Variants in LDAF1 observed in about 807,000 individuals in gnomAD.
LDAF1 encodes the protein lipid droplet assembly factor 1, also known as PROMETHIN.
LDAF1 carries 7 observed loss-of-function variants against 13.5 expected under a neutral mutation model. That is an observed-to-expected ratio of 0.52 (90% CI 0.29 to 0.97). The LOEUF (loss-of-function observed/expected upper bound fraction) is 0.97, where lower values mean the gene tolerates loss of function less well. Ranked by LOEUF, LDAF1 falls within the 50% of genes least tolerant of loss-of-function variation. The pLI, the probability that LDAF1 is intolerant of heterozygous loss-of-function variation, is 0.07. For missense variants in LDAF1, 148 were observed against 193.2 expected, an observed-to-expected ratio of 0.77 and a Z score of 1.39; for synonymous variants, 69 against 77.1, an observed-to-expected ratio of 0.89 and a Z score of 0.55.
At chr16:21,164,705 G>A (rs2152843254) in intron 2 of LDAF1, among the ~76,000 whole-genome samples, 1 of 152,344 alleles carries the variant, frequency 6.6e-6, no homozygotes, top group South Asian at 2.1e-4. Context: ...GTGCTGCACT[G>A]TGCTTACAGA....
Position 21,173,997 on chromosome 16 carries a change from G to A in LDAF1, c.266-13G>A, listed in dbSNP as rs759301982. On this transcript the variant is annotated splice_polypyrimidine_tract_variant and intron_variant, in intron 3 of 4. Transcript: ENST00000233047. The stretch of plus-strand genomic sequence containing the variant: ...TGAGATGAACCCTTCTCCTAACCAC[G>A]TTCTCCTCCTAGGATTGGTCATCTC... 27 of 1,607,322 alleles carry A rather than the reference G, an allele frequency of 1.7e-5. No homozygotes were observed. Among genetic ancestry groups the A allele is most frequent in the Admixed American group, 3.4e-5 (2 of 58,694 alleles).
intron 2 of LDAF1, among the ~76,000 whole-genome samples, chr16:21,167,803 T>C (rs1267557476): frequency 2.7e-5 from 4 of 147,460 alleles, no homozygotes; most frequent in Non-Finnish European, 4.5e-5. Flanking sequence ...GGTCAGGAAT[T>C]CGAGACCAGC....
At chr16:21,171,260 C>T (rs1313778570) in intron 3 of LDAF1, among the ~76,000 whole-genome samples, 1 of 152,206 alleles carries the variant, frequency 6.6e-6, no homozygotes, top group Non-Finnish European at 1.5e-5. Context: ...ATCTGATTTG[C>T]TCACTTTGAC....
At position 21,179,616 on chromosome 16, in the gene LDAF1, G is replaced by GA; in HGVS notation, c.*61dup. ...CTGCTGGATCATACTCACCCCTTGG[G>GA]ATTATGGCTTAGAAGAAGGGGGCTG... On this transcript the variant is annotated 3_prime_UTR_variant, in exon 5 of 5. Coordinates refer to ENST00000233047, the MANE Select transcript of LDAF1 (RefSeq NM_001301771.2). 6.7e-7 allele frequency: 1 copy of GA among 1,486,816 alleles called. No homozygotes were observed. The allele number at this position is 1,486,816 out of a possible 1,614,324, so 92.1% of individuals were successfully genotyped here. A position where few individuals can be genotyped will look rare whatever the true frequency, so the allele number is the denominator to read the frequency against.
Position 21,175,402 on chromosome 16 carries a change from TAATC to T in LDAF1, c.404+1257_404+1260del, listed in dbSNP as rs2093130120. On this transcript the variant is annotated intron_variant, in intron 4 of 4. Transcript: ENST00000233047. ...AGGTGAGTTAATTCCAAAGCCCTCT[TAATC>T]AAGATACAAAGTGACTCTCTAAAAC... Among the ~76,000 whole-genome samples the T allele has an allele frequency of 2.0e-5, 3 of 151,384 alleles. No individual in the cohort carries two copies. The South Asian group carries it at 6.2e-4, about 31-fold the overall frequency.
At chr16:21,175,684 C>T (rs1049917666) in intron 4 of LDAF1, among the ~76,000 whole-genome samples, 1 of 152,162 alleles carries the variant, frequency 6.6e-6, no homozygotes, top group Admixed American at 6.5e-5. Context: ...AACCATTGCT[C>T]TATAAGAACT....
Position 21,161,068 on chromosome 16 carries a change from G to T in LDAF1, c.-98-17G>T, listed in dbSNP as rs914585667. 24 of 1,491,306 alleles carry T rather than the reference G, an allele frequency of 1.6e-5. No homozygotes were observed. Among genetic ancestry groups the T allele is most frequent in the Non-Finnish European group, 1.6e-5 (18 of 1,126,568 alleles). The allele number at this position is 1,491,306 out of a possible 1,614,324, so 92.4% of individuals were successfully genotyped here. ...TGGATGAAGACCACTAACGGCTTTT[G>T]TTTCCTCTGGTAACAGCAAGAGACA... On this transcript the variant is annotated splice_polypyrimidine_tract_variant and intron_variant, in intron 1 of 4. Coordinates refer to ENST00000233047, the MANE Select transcript of LDAF1 (RefSeq NM_001301771.2).
intron 2 of LDAF1, among the ~76,000 whole-genome samples, chr16:21,163,375 G>A (rs118046877): frequency 3.0e-4 from 46 of 152,314 alleles, no homozygotes; most frequent in Non-Finnish European, 6.5e-4. Flanking sequence ...GCCAGGCGTG[G>A]TAGCTCACAC....
intron 3 of LDAF1, among the ~76,000 whole-genome samples, chr16:21,173,620 C>T (rs916394275): frequency 6.6e-6 from 1 of 151,776 alleles, no homozygotes; most frequent in South Asian, 2.1e-4. Flanking sequence ...AGGCTGAAGC[C>T]GGGAATCACT....
chr16:21,176,473 T>C (rs2093139263), intron 4 of LDAF1, among the ~76,000 whole-genome samples: 1 of 152,060 alleles, frequency 6.6e-6, no homozygotes, highest in Non-Finnish European at 1.5e-5. Context: ...CAAGACCACA[T>C]CTCTACAAAA....
In LDAF1 at chr16:21,179,535, C is replaced by T. The variant is rs939874083; in HGVS notation, c.465C>T (p.Phe155=). 1.5e-5 allele frequency: 24 copies of T among 1,614,100 alleles called. No homozygotes were observed. Among genetic ancestry groups the T allele is most frequent in the Non-Finnish European group, 2.0e-5 (24 of 1,179,996 alleles). The change falls in exon 5 of 5, where the codon TTC becomes TTT. Residue 155 remains phenylalanine (F), a synonymous_variant. Transcript: ENST00000233047. The part of the protein sequence containing the change: ...DFLPAMKSAE[F]EGLYQE ...TGCCAGCCATGAAGTCTGCAGAATT[C>T]GAGGGGCTTTACCAGGAATGAGTGA...
At chr16:21,160,822 A>G (rs1416861218) in intron 1 of LDAF1, among the ~76,000 whole-genome samples, 4 of 152,182 alleles carry the variant, frequency 2.6e-5, no homozygotes, top group Non-Finnish European at 4.4e-5. Context: ...CTACTTTCCA[A>G]TGTTTTGCTA....
chr16:21,165,218 C>T lies in LDAF1; in HGVS notation c.96+3940C>T, dbSNP rs544046778. On this transcript the variant is annotated intron_variant, in intron 2 of 4. Transcript: ENST00000233047. ...GCTGATGCTTATAATCCTAGCACTTCGGGAGGCCGAGGCGGGCAGATCACT... is the reference window on the plus strand; with the variant it reads ...GCTGATGCTTATAATCCTAGCACTTTGGGAGGCCGAGGCGGGCAGATCACT... Among the ~76,000 whole-genome samples, 46 of 152,262 alleles carry T rather than the reference C, an allele frequency of 3.0e-4. No homozygotes were observed. In the Middle Eastern group the frequency reaches 0.01, roughly 34 times the overall value.
intron 2 of LDAF1, among the ~76,000 whole-genome samples, chr16:21,167,692 G>GGTTGTTTT (rs1597543109): frequency 1.1e-4 from 1 of 8,988 alleles, no homozygotes; most frequent in East Asian, 2.6e-3. Flanking sequence ...AAGACCTTAG[G>GGTTGTTTT]TTTGTTTTTT....
At chr16:21,175,732 G>A (rs1439999990) in intron 4 of LDAF1, among the ~76,000 whole-genome samples, 3 of 152,142 alleles carry the variant, frequency 2.0e-5, no homozygotes, top group African/African-American at 7.2e-5. Flanking sequence ...AACAGCCCTT[G>A]AACTCCTTAC....
rs2093056437 is a variant in LDAF1 at position 21,168,898 on chromosome 16, TTATATATTTA to T, written c.97-1535_97-1526del. On this transcript the variant is annotated intron_variant, in intron 2 of 4. Coordinates refer to ENST00000233047, the MANE Select transcript of LDAF1 (RefSeq NM_001301771.2). ...TATAATTTATATTATATATTTATATTTATATATTTATATTTATTTATATTTATATATTTAA... is the reference window on the plus strand; with the variant it reads ...TATAATTTATATTATATATTTATATTTATTTATTTATATTTATATATTTAA... Among the ~76,000 whole-genome samples, 4 of 135,660 alleles carry T rather than the reference TTATATATTTA, an allele frequency of 2.9e-5. No homozygotes were observed. The East Asian group carries it at 6.1e-4, about 21-fold the overall frequency. The allele number at this position is 135,660 out of a possible 152,430, so 89.0% of individuals were successfully genotyped here.
chr16:21,161,376 A>T (rs1033521670), intron 2 of LDAF1, 98 bp downstream of exon 2: 1 of 1,419,010 alleles, frequency 7.0e-7, no homozygotes, highest in South Asian at 1.4e-5. Context: ...AGGAATTTGG[A>T]GGTAAGTCAA....
rs1460632471 is a variant in LDAF1, at chr16:21,168,952, TATATA to T, written c.97-1474_97-1470del. 5.3e-4 allele frequency among the ~76,000 whole-genome samples: 63 copies of T among 119,018 alleles called. 1 individual carries two copies. The highest frequency in any genetic ancestry group is 5.0e-3 in the South Asian group (16 of 3,176). The allele number at this position is 119,018 out of a possible 152,430, so 78.1% of individuals were successfully genotyped here. ...TATTTAAATATTTATATTTATAGTA[TATATA>T]ATATAATATATTATATTATATATAA... On this transcript the variant is annotated intron_variant, in intron 2 of 4. Transcript: ENST00000233047.
intron 2 of LDAF1, among the ~76,000 whole-genome samples, chr16:21,168,392 A>G (rs2093046488): frequency 6.6e-6 from 1 of 151,992 alleles, no homozygotes; most frequent in Non-Finnish European, 1.5e-5. Flanking sequence ...TTTAATGCTG[A>G]GCTTAGCTTT....
Sources: gnomAD v4.1 joint callset for allele counts (sites outside exome capture counted in the v4.1 genomes callset) on GRCh38, gnomAD v4.1.1 for gene constraint, MANE v1.5 for transcripts, NCBI Gene and HGNC (gene_info 2026-07-23, HGNC 2026-07-21) for gene names.